PDE11A: variants seen among roughly 807,000 people sequenced by gnomAD.
PDE11A encodes the protein dual 3',5'-cyclic-AMP and -GMP phosphodiesterase 11A.
Under a neutral mutation model 100.5 loss-of-function variants are expected in PDE11A, and 100 were observed. The ratio of observed to expected loss-of-function variants is 1.00; its 90% CI spans 0.85 to 1.18. The LOEUF (loss-of-function observed/expected upper bound fraction) is 1.18. Ranked by LOEUF, PDE11A falls within the 50% of genes most tolerant of loss-of-function variation. The pLI, the probability that PDE11A is intolerant of heterozygous loss-of-function variation, is 0.00. For synonymous variants in PDE11A, 381 were observed against 420.8 expected (o/e 0.91, Z 1.16); for missense variants, 1,141 against 1,152.6 (o/e 0.99, Z 0.15).
In PDE11A at chr2:177,848,965, C is replaced by T. The variant is rs189352359; in HGVS notation, c.1368-8582G>A. Reference sequence around the variant, plus strand: ...GACAAAACATCTTAATAAAATAATGCTAATCATTAGACTGTGCTTGTGTTC... The same window carrying T: ...GACAAAACATCTTAATAAAATAATGTTAATCATTAGACTGTGCTTGTGTTC... On this transcript the variant is annotated intron_variant, in intron 5 of 19. Coordinates refer to ENST00000286063, the MANE Select transcript of PDE11A (RefSeq NM_016953.4). Among the ~76,000 whole-genome samples, 121 of 152,292 alleles carry T rather than the reference C, an allele frequency of 7.9e-4. 2 individuals carry two copies. Among genetic ancestry groups the T allele is most frequent in the Non-Finnish European group, 6.6e-4 (45 of 68,024 alleles).
At chr2:177,778,923 T>C (rs1235777314) in intron 9 of PDE11A, among the ~76,000 whole-genome samples, 1 of 151,546 alleles carries the variant, frequency 6.6e-6, no homozygotes, top group Non-Finnish European at 1.5e-5. Context: ...GAATCGATCA[T>C]AAAAAATATT....
At chr2:178,090,874 C>A (rs1038914085) in intron 2 of PDE11A, among the ~76,000 whole-genome samples, 1 of 152,126 alleles carries the variant, frequency 6.6e-6, no homozygotes, top group African/African-American at 2.4e-5. Context: ...CCCCCACAGG[C>A]ACTCTTTCCT....
At chr2:177,756,001 C>T (rs1036768317) in intron 10 of PDE11A, among the ~76,000 whole-genome samples, 11 of 152,182 alleles carry the variant, frequency 7.2e-5, no homozygotes, top group South Asian at 2.1e-4. Context: ...GTGTGCACTA[C>T]GCTCTCATTT....
intron 2 of PDE11A, among the ~76,000 whole-genome samples, chr2:178,093,819 T>C (rs1288775930): frequency 2.0e-5 from 3 of 152,152 alleles, no homozygotes; most frequent in Non-Finnish European, 4.4e-5. Flanking sequence ...GGAGCCAGGA[T>C]GAATGAAGAA....
intron 9 of PDE11A, among the ~76,000 whole-genome samples, chr2:177,803,977 G>C (rs2082830359): frequency 1.3e-5 from 2 of 151,870 alleles, no homozygotes; most frequent in Admixed American, 1.3e-4. Flanking sequence ...ACTGATTAAA[G>C]ACCTAAATGT....
intron 6 of PDE11A, among the ~76,000 whole-genome samples, chr2:177,840,037 C>T (rs148722600): frequency 6.6e-5 from 10 of 152,206 alleles, no homozygotes; most frequent in South Asian, 2.1e-4. Context: ...CAATCATAAA[C>T]GAGCATCAGA....
At chr2:177,683,736 A>T (rs995288113) in intron 15 of PDE11A, among the ~76,000 whole-genome samples, 3 of 152,158 alleles carry the variant, frequency 2.0e-5, no homozygotes, top group Non-Finnish European at 2.9e-5. Context: ...TGGTCGTGTG[A>T]CAAGAACCCA....
chr2:178,074,860 A>T (rs965439482), upstream of PDE11A, among the ~76,000 whole-genome samples: 2 of 152,158 alleles, frequency 1.3e-5, no homozygotes, highest in African/African-American at 4.8e-5. Flanking sequence ...AAAGGAGTTA[A>T]TGGTTGGGGA....
intron 1 of PDE11A, among the ~76,000 whole-genome samples, chr2:178,034,743 T>C (rs1403854538): frequency 6.6e-6 from 1 of 152,116 alleles, no homozygotes; most frequent in Non-Finnish European, 1.5e-5. Context: ...CACAACTACA[T>C]GGAAATTGAA....
chr2:177,631,629 G>GTATA (rs1203198350), intron 19 of PDE11A, among the ~76,000 whole-genome samples: 1 of 109,318 alleles, frequency 9.1e-6, no homozygotes, highest in African/African-American at 3.8e-5. Context: ...ATATGTGTGT[G>GTATA]TATATATATA....
At chr2:177,932,305 T>C (rs1318922718) in intron 2 of PDE11A, among the ~76,000 whole-genome samples, 1 of 152,190 alleles carries the variant, frequency 6.6e-6, no homozygotes, top group African/African-American at 2.4e-5. Context: ...TAATTCATTC[T>C]ATGAAGCCAG....
At chr2:177,847,871 G>C (rs914283509) in intron 5 of PDE11A, among the ~76,000 whole-genome samples, 6 of 152,102 alleles carry the variant, frequency 3.9e-5, no homozygotes, top group African/African-American at 1.4e-4. Flanking sequence ...TAGAGGGCAG[G>C]GCTGGGATGC....
intron 1 of PDE11A, among the ~76,000 whole-genome samples, chr2:178,057,978 C>A (rs1041694178): frequency 6.6e-6 from 1 of 152,086 alleles, no homozygotes; most frequent in African/African-American, 2.4e-5. Flanking sequence ...CTGCCTCAGC[C>A]CCCCTAGTAG....
At chr2:177,837,222 G>T (rs145809206) in intron 6 of PDE11A, among the ~76,000 whole-genome samples, 268 of 152,288 alleles carry the variant, frequency 1.8e-3, no homozygotes, top group Non-Finnish European at 2.9e-3. Context: ...GGTATGCTTT[G>T]CATGTCTTTC....
Position 177,907,748 on chromosome 2 carries a change from A to G in PDE11A, c.1072-2561T>C, listed in dbSNP as rs1029061719. Among the ~76,000 whole-genome samples, 56 of 152,196 alleles carry G rather than the reference A, an allele frequency of 3.7e-4. 3 individuals are homozygous for G. The highest frequency in any genetic ancestry group is 1.5e-5 in the Non-Finnish European group (1 of 68,038). On this transcript the variant is annotated intron_variant, in intron 2 of 19. Coordinates refer to ENST00000286063, the MANE Select transcript of PDE11A (RefSeq NM_016953.4). Reference sequence around the variant, plus strand: ...TACTATCCAGTATAATAAAGACAATATCTCCCTCTAGACAGAGGTCAGGCA... The same window carrying G: ...TACTATCCAGTATAATAAAGACAATGTCTCCCTCTAGACAGAGGTCAGGCA...
intron 2 of PDE11A, among the ~76,000 whole-genome samples, chr2:178,093,564 G>A (rs1172276175): frequency 1.3e-5 from 2 of 152,150 alleles, no homozygotes; most frequent in Admixed American, 1.3e-4. Context: ...AAACAGAACT[G>A]CTACCTTCAC....
chr2:178,067,579 T>C (rs2087064475), intron 1 of PDE11A, among the ~76,000 whole-genome samples: 1 of 152,152 alleles, frequency 6.6e-6, no homozygotes, highest in Non-Finnish European at 1.5e-5. Flanking sequence ...AACTGGAAAA[T>C]CTAATCCTAT....
chr2:177,954,671 G>A (rs1403836856), intron 2 of PDE11A, among the ~76,000 whole-genome samples: 1 of 152,162 alleles, frequency 6.6e-6, no homozygotes, highest in Non-Finnish European at 1.5e-5. Flanking sequence ...CCCCAGTAAG[G>A]CCATTCTGGA....
chr2:177,933,061 A>G (rs985912965), intron 2 of PDE11A, among the ~76,000 whole-genome samples: 37 of 109,920 alleles, frequency 3.4e-4, no homozygotes, highest in African/African-American at 1.7e-3. Context: ...AATCCCATTT[A>G]CAATAGCCAC....
Sources: allele counts gnomAD v4.1 joint callset (sites outside exome capture counted in the v4.1 genomes callset), GRCh38; gene constraint gnomAD v4.1.1; transcripts MANE v1.5; gene names NCBI Gene and HGNC (gene_info 2026-07-23, HGNC 2026-07-21).